The following MB21D2 variants were observed in gnomAD, a reference collection of about 807,000 sequenced individuals.
MB21D2 encodes Mab-21 domain containing 2, also known as nucleotidyltransferase MB21D2.
MB21D2 carries 9 observed loss-of-function variants against 33.3 expected under a neutral mutation model. The observed-to-expected ratio is 0.27, with a 90% confidence interval of 0.16 to 0.47. MB21D2 has a LOEUF of 0.47. Among genes scored for constraint, MB21D2 ranks in the 20% least tolerant of loss-of-function variants. The pLI is 0.99. For missense variants in MB21D2, 540 were observed against 624.6 expected, an observed-to-expected ratio of 0.86 and a Z score of 1.44; for synonymous variants, 241 against 236.3, an observed-to-expected ratio of 1.02 and a Z score of -0.18.
chr3:192,906,362 A>G (rs1306819881), intron 1 of MB21D2, among the ~76,000 whole-genome samples: 1 of 152,216 alleles, frequency 6.6e-6, no homozygotes, highest in Non-Finnish European at 1.5e-5. Flanking sequence ...CTAAATGCCA[A>G]GGCAGGCAGC....
intron 1 of MB21D2, among the ~76,000 whole-genome samples, chr3:192,818,450 G>A (rs1711974240): frequency 6.6e-6 from 1 of 152,120 alleles, no homozygotes; most frequent in African/African-American, 2.4e-5. Context: ...TAAAAAAAAT[G>A]TACTCAAACA....
At chr3:192,834,035 A>G (rs1712378318) in intron 1 of MB21D2, among the ~76,000 whole-genome samples, 1 of 152,202 alleles carries the variant, frequency 6.6e-6, no homozygotes, top group Admixed American at 6.5e-5. Context: ...CAGTTCATTC[A>G]TCTTTGAATT....
At chr3:192,834,435 AAAAAG>A (rs1451523413) in intron 1 of MB21D2, among the ~76,000 whole-genome samples, 3 of 151,686 alleles carry the variant, frequency 2.0e-5, no homozygotes, top group African/African-American at 4.8e-5. Flanking sequence ...AAAAAAAAAA[AAAAAG>A]AAGAAGAAAG....
chr3:192,840,804 A>C (rs1712553875), intron 1 of MB21D2, among the ~76,000 whole-genome samples: 1 of 152,220 alleles, frequency 6.6e-6, no homozygotes, highest in Non-Finnish European at 1.5e-5. Context: ...TGGTTAAGAC[A>C]ACTTCTTGGA....
At chr3:192,875,586 A>C (rs1208142935) in intron 1 of MB21D2, among the ~76,000 whole-genome samples, 1 of 152,190 alleles carries the variant, frequency 6.6e-6, no homozygotes, top group Non-Finnish European at 1.5e-5. Context: ...TGTGTCCCTG[A>C]AATCTGGAAT....
At chr3:192,816,174 T>C (rs987938885) in intron 1 of MB21D2, among the ~76,000 whole-genome samples, 3 of 151,838 alleles carry the variant, frequency 2.0e-5, no homozygotes, top group Non-Finnish European at 4.4e-5. Flanking sequence ...AAGTCCAGTT[T>C]GGGTTTTATA....
chr3:192,872,061 T>TA (rs753157176), intron 1 of MB21D2, among the ~76,000 whole-genome samples: 4 of 152,194 alleles, frequency 2.6e-5, no homozygotes, highest in Non-Finnish European at 4.4e-5. Context: ...TTGTCTCTCA[T>TA]AAAACTGAGG....
At chr3:192,803,021 A>G (rs1415664315) in intron 1 of MB21D2, among the ~76,000 whole-genome samples, 12 of 152,230 alleles carry the variant, frequency 7.9e-5, no homozygotes, top group Admixed American at 7.2e-4. Flanking sequence ...AGACTCGTCT[A>G]TATAATCAGG....
intron 1 of MB21D2, among the ~76,000 whole-genome samples, chr3:192,853,901 T>C (rs868011234): frequency 5.3e-5 from 8 of 152,234 alleles, no homozygotes; most frequent in African/African-American, 1.9e-4. Flanking sequence ...TGATCTTTGA[T>C]GTTACTATTG....
chr3:192,886,043 C>T lies in MB21D2; in HGVS notation c.211+31587G>A, dbSNP rs201155314. ...TGGCGCGATCTCGGCTGACTGCAAC[C>T]TCCGCCTCCCGGGTTCAAGCAATTC... is the stretch of plus-strand genomic sequence containing the variant. On this transcript the variant is annotated intron_variant, in intron 1 of 1. Transcript: ENST00000392452. 7.2e-5 allele frequency among the ~76,000 whole-genome samples: 11 copies of T among 152,188 alleles called. No homozygotes were observed. In the East Asian group the frequency reaches 2.1e-3, roughly 29 times the overall value.
At chr3:192,813,293 G>T in intron 1 of MB21D2, among the ~76,000 whole-genome samples, 1 of 118,568 alleles carries the variant, frequency 8.4e-6, no homozygotes, top group Admixed American at 8.0e-5. Flanking sequence ...TGCACTTACT[G>T]CAGTTAATTT....
At chr3:192,863,085 T>C (rs1460962333) in intron 1 of MB21D2, among the ~76,000 whole-genome samples, 1 of 152,190 alleles carries the variant, frequency 6.6e-6, no homozygotes, top group Non-Finnish European at 1.5e-5. Context: ...GTATGAATTT[T>C]GAGGGGACAC....
chr3:192,915,618 A>C (rs1714447883), intron 1 of MB21D2, among the ~76,000 whole-genome samples: 1 of 152,220 alleles, frequency 6.6e-6, no homozygotes, highest in Admixed American at 6.5e-5. Flanking sequence ...ACTGGGTAAA[A>C]AGGAATAGAA....
chr3:192,851,100 A>T (rs1242781527), intron 1 of MB21D2, among the ~76,000 whole-genome samples: 1 of 152,244 alleles, frequency 6.6e-6, no homozygotes, highest in African/African-American at 2.4e-5. Context: ...AGCTCATGGA[A>T]CAATGAACAT....
intron 1 of MB21D2, among the ~76,000 whole-genome samples, chr3:192,880,177 T>C (rs1035984218): frequency 2.0e-5 from 3 of 151,812 alleles, no homozygotes; most frequent in Non-Finnish European, 4.4e-5. Context: ...ACCCTGTCTC[T>C]ACTAAAAATA....
chr3:192,861,488 G>A lies in MB21D2; in HGVS notation c.211+56142C>T, dbSNP rs146383969. Among the ~76,000 whole-genome samples, 262 of 152,342 alleles carry A rather than the reference G, an allele frequency of 1.7e-3. 1 individual carries two copies. Among genetic ancestry groups the A allele is most frequent in the Middle Eastern group, 0.01 (3 of 294 alleles). On this transcript the variant is annotated intron_variant, in intron 1 of 1. Transcript: ENST00000392452. ...TTCTGATAAGGTGTTTGGGAATAAA[G>A]CAGCAGCACAGTGACCTTTAACATA...
chr3:192,864,715 C>T (rs1202459563), intron 1 of MB21D2, among the ~76,000 whole-genome samples: 6 of 152,130 alleles, frequency 3.9e-5, no homozygotes, highest in Non-Finnish European at 8.8e-5. Context: ...CCATGTTGGC[C>T]AGGCTGGTCT....
At chr3:192,829,945 C>A (rs541887066) in intron 1 of MB21D2, among the ~76,000 whole-genome samples, 1 of 152,294 alleles carries the variant, frequency 6.6e-6, no homozygotes, top group South Asian at 2.1e-4. Context: ...TCAGGCTAGT[C>A]TTGAACTCTT....
intron 1 of MB21D2, among the ~76,000 whole-genome samples, chr3:192,871,646 C>A (rs535442560): frequency 6.6e-6 from 1 of 152,066 alleles, no homozygotes; most frequent in Non-Finnish European, 1.5e-5. Flanking sequence ...CAAGAGTGGT[C>A]AGGATAAAGG....
Sources: allele counts gnomAD v4.1 joint callset (sites outside exome capture counted in the v4.1 genomes callset), GRCh38; gene constraint gnomAD v4.1.1; transcripts MANE v1.5; gene names NCBI Gene and HGNC (gene_info 2026-07-23, HGNC 2026-07-21).